ERC2: variants seen among roughly 807,000 people sequenced by gnomAD.
ERC2 encodes ELKS/RAB6-interacting/CAST family member 2.
ERC2 carries 42 observed loss-of-function variants against 114.8 expected under a neutral mutation model. That is an observed-to-expected ratio of 0.37 (90% CI 0.29 to 0.47). The LOEUF (loss-of-function observed/expected upper bound fraction) is 0.47. Among genes scored for constraint, ERC2 ranks in the 20% least tolerant of loss-of-function variants. The pLI is 0.99. For missense variants in ERC2, 939 were observed against 1,150.7 expected, an observed-to-expected ratio of 0.82 and a Z score of 2.66; for synonymous variants, 454 against 425.5, an observed-to-expected ratio of 1.07 and a Z score of -0.82.
chr3:55,860,714 G>A (rs1192429106), intron 14 of ERC2, among the ~76,000 whole-genome samples: 1 of 152,128 alleles, frequency 6.6e-6, no homozygotes, highest in East Asian at 1.9e-4. Flanking sequence ...AGGAATTGCT[G>A]ATCAAATACC....
At chr3:56,272,131 T>C (rs1367728076) in intron 3 of ERC2, among the ~76,000 whole-genome samples, 1 of 152,212 alleles carries the variant, frequency 6.6e-6, no homozygotes, top group East Asian at 1.9e-4. Flanking sequence ...TTGGGAACTC[T>C]GCTACATTCA....
rs377131229 is a variant in ERC2, at chr3:56,411,972, C to A, written c.657+22379G>T. Among the ~76,000 whole-genome samples, 7 of 152,336 alleles carry A rather than the reference C, an allele frequency of 4.6e-5. No individual in the cohort carries two copies. In the South Asian group the frequency reaches 1.4e-3, roughly 32 times the overall value. On this transcript the variant is annotated intron_variant, in intron 2 of 17. Transcript: ENST00000288221. Reference sequence around the variant, plus strand: ...CAAAAAGCATATGTCCAAGGCCTAACTCCCTGAACCTTTGAATGTGACCTT... The same window carrying A: ...CAAAAAGCATATGTCCAAGGCCTAAATCCCTGAACCTTTGAATGTGACCTT...
intron 6 of ERC2, among the ~76,000 whole-genome samples, chr3:56,132,118 T>C (rs1430174863): frequency 6.6e-6 from 1 of 152,208 alleles, no homozygotes; most frequent in Non-Finnish European, 1.5e-5. Context: ...TGGAATAGTT[T>C]GCAAAGCCCC....
At chr3:55,565,550 C>A (rs931578367) in intron 17 of ERC2, among the ~76,000 whole-genome samples, 1 of 151,964 alleles carries the variant, frequency 6.6e-6, no homozygotes, top group African/African-American at 2.4e-5. Context: ...TACTCCTTCC[C>A]AGCCTGCTGA....
intron 3 of ERC2, among the ~76,000 whole-genome samples, chr3:56,234,733 G>T (rs2050833831): frequency 6.6e-6 from 1 of 152,180 alleles, no homozygotes; most frequent in East Asian, 1.9e-4. Flanking sequence ...AAGGCAGAAG[G>T]GCCGAGAGGA....
intron 13 of ERC2, among the ~76,000 whole-genome samples, chr3:55,893,542 C>T (rs1231180023): frequency 6.6e-6 from 1 of 152,266 alleles, no homozygotes; most frequent in African/African-American, 2.4e-5. Context: ...GACCCGTGTA[C>T]ACCTGCCTAA....
chr3:55,869,645 C>T (rs894663890), intron 14 of ERC2, among the ~76,000 whole-genome samples: 2 of 152,062 alleles, frequency 1.3e-5, no homozygotes, highest in African/African-American at 4.8e-5. Context: ...CCATGATACC[C>T]AGGTCTTTGG....
intron 15 of ERC2, among the ~76,000 whole-genome samples, chr3:55,700,387 T>C (rs1204497511): frequency 2.0e-5 from 3 of 152,212 alleles, no homozygotes; most frequent in Admixed American, 6.5e-5. Context: ...AAGTCCTGGC[T>C]CCACCTCTTT....
At chr3:56,461,325 T>C (rs565312256) in intron 1 of ERC2, among the ~76,000 whole-genome samples, 9 of 152,298 alleles carry the variant, frequency 5.9e-5, no homozygotes, top group Non-Finnish European at 1.0e-4. Context: ...AAACTCTTCA[T>C]GGCTTAAAAC....
intron 7 of ERC2, among the ~76,000 whole-genome samples, chr3:56,046,281 G>C (rs984276606): frequency 3.9e-5 from 6 of 152,184 alleles, no homozygotes; most frequent in Non-Finnish European, 8.8e-5. Flanking sequence ...AAAGGTCTGA[G>C]AATTCAGAAA....
intron 14 of ERC2, among the ~76,000 whole-genome samples, chr3:55,853,471 G>C (rs1575853469): frequency 6.6e-6 from 1 of 152,036 alleles, no homozygotes; most frequent in East Asian, 1.9e-4. Flanking sequence ...GCTGCCATGA[G>C]TGTCATGATT....
intron 13 of ERC2, among the ~76,000 whole-genome samples, chr3:55,943,003 A>G (rs1185187491): frequency 6.6e-6 from 1 of 152,172 alleles, no homozygotes; most frequent in Non-Finnish European, 1.5e-5. Flanking sequence ...AGCTATTGGA[A>G]AGAGGTTATT....
intron 1 of ERC2, among the ~76,000 whole-genome samples, chr3:56,443,419 G>C (rs2062410685): frequency 6.6e-6 from 1 of 152,100 alleles, no homozygotes; most frequent in African/African-American, 2.4e-5. Flanking sequence ...TAAAGAGCAG[G>C]GGTGGTTTCC....
intron 4 of ERC2, among the ~76,000 whole-genome samples, chr3:56,149,733 C>A (rs1004883645): frequency 2.6e-5 from 4 of 152,120 alleles, no homozygotes; most frequent in African/African-American, 9.7e-5. Flanking sequence ...TAATACATCA[C>A]AATGTCATAA....
intron 14 of ERC2, among the ~76,000 whole-genome samples, chr3:55,767,219 T>C (rs1257569458): frequency 6.6e-6 from 1 of 152,204 alleles, no homozygotes; most frequent in Non-Finnish European, 1.5e-5. Context: ...GTGGCATAAT[T>C]AGTTAGCATG....
chr3:56,434,134 A>C, intron 2 of ERC2: 1 of 535,196 alleles, frequency 1.9e-6, no homozygotes. Context: ...CCCCATCTGC[A>C]ACCATGTGAA....
intron 3 of ERC2, among the ~76,000 whole-genome samples, chr3:56,174,717 C>T (rs1198016123): frequency 2.0e-5 from 3 of 152,124 alleles, no homozygotes; most frequent in Admixed American, 2.0e-4. Context: ...TGGTGGCTCA[C>T]GCCTGTAATA....
intron 2 of ERC2, among the ~76,000 whole-genome samples, chr3:56,381,216 AT>A (rs2059737773): frequency 6.6e-6 from 1 of 152,170 alleles, no homozygotes; most frequent in Non-Finnish European, 1.5e-5. Context: ...CATTGTCAAT[AT>A]TTTTAAAGTA....
chr3:56,355,599 C>T (rs141888049), intron 2 of ERC2, among the ~76,000 whole-genome samples: 230 of 152,258 alleles, frequency 1.5e-3, no homozygotes, highest in African/African-American at 4.6e-3. Flanking sequence ...GCGTGCGCCA[C>T]GACACCCAGC....
Sources: gnomAD v4.1 joint callset for allele counts (sites outside exome capture counted in the v4.1 genomes callset) on GRCh38, gnomAD v4.1.1 for gene constraint, MANE v1.5 for transcripts, NCBI Gene and HGNC (gene_info 2026-07-23, HGNC 2026-07-21) for gene names.